Variants in SV2C observed in about 807,000 individuals in gnomAD.
SV2C encodes solute carrier family 22 member B3.
A neutral mutation model predicts 79.7 loss-of-function variants in SV2C; 49 were observed. That is an observed-to-expected ratio of 0.61 (90% CI 0.49 to 0.78). The LOEUF (loss-of-function observed/expected upper bound fraction) is 0.78, where lower values mean the gene tolerates loss of function less well. SV2C is among the 30% of genes least tolerant of loss of function. The pLI, the probability that SV2C is intolerant of heterozygous loss-of-function variation, is 0.00. For synonymous variants in SV2C, 334 were observed against 333.2 expected (o/e 1.00, Z -0.03); for missense variants, 833 against 912.9 (o/e 0.91, Z 1.13).
At chr5:76,089,148 A>G (rs1747291633) in intron 1 of SV2C, among the ~76,000 whole-genome samples, 1 of 152,118 alleles carries the variant, frequency 6.6e-6, no homozygotes, top group Non-Finnish European at 1.5e-5. Flanking sequence ...CCCAGAATGC[A>G]TTAGCTATTT....
chr5:76,253,708 GAAAAAAA>G (rs11390195), intron 4 of SV2C, among the ~76,000 whole-genome samples: 3 of 118,188 alleles, frequency 2.5e-5, no homozygotes, highest in South Asian at 2.9e-4. Flanking sequence ...CCTCCCTAAG[GAAAAAAA>G]AAAAAAAAAA....
At chr5:75,975,615 CTCT>C in the SV2C span, among the ~76,000 whole-genome samples, 1 of 152,168 alleles carries the variant, frequency 6.6e-6, no homozygotes, top group Non-Finnish European at 1.5e-5. Flanking sequence ...ATCCTGGAAC[CTCT>C]TCTTCTGGTT....
At chr5:75,923,954 G>A in the SV2C span, among the ~76,000 whole-genome samples, 26 of 152,098 alleles carry the variant, frequency 1.7e-4, no homozygotes, top group Non-Finnish European at 2.9e-4. Context: ...GTACACATGC[G>A]CATGCATGTT....
At position 76,329,986 on chromosome 5, in the gene SV2C, A is replaced by G. The variant is rs1749126786; in HGVS notation, c.*4439A>G. 1 of 150,938 alleles carries G rather than the reference A, an allele frequency of 6.6e-6. No individual in the cohort carries two copies. The allele number at this position is 150,938 out of a possible 1,614,324, so 9.3% of individuals were successfully genotyped here. ...CTTCTGAAACTCTGAAGTGGACTATATGTTTCTCACAGTTTTTGTTTATGC... is the reference window on the plus strand; with the variant it reads ...CTTCTGAAACTCTGAAGTGGACTATGTGTTTCTCACAGTTTTTGTTTATGC... On this transcript the variant is annotated 3_prime_UTR_variant, in exon 13 of 13. Transcript: ENST00000502798.
intron 4 of SV2C, among the ~76,000 whole-genome samples, chr5:76,225,819 A>G (rs1175074083): frequency 2.0e-5 from 3 of 152,202 alleles, no homozygotes; most frequent in Non-Finnish European, 4.4e-5. Context: ...ACAGCTAAAC[A>G]AACTGGGATT....
chr5:76,346,685 G>T (rs1385692625), intron 12 of SV2C, among the ~76,000 whole-genome samples: 1 of 152,162 alleles, frequency 6.6e-6, no homozygotes, highest in Non-Finnish European at 1.5e-5. Context: ...TATTCCCAGG[G>T]CCTTGGACTG....
chr5:76,233,005 A>G (rs1324562515), intron 4 of SV2C, among the ~76,000 whole-genome samples: 9 of 140,646 alleles, frequency 6.4e-5, no homozygotes, highest in Non-Finnish European at 1.2e-4. Flanking sequence ...TGGGGATGGC[A>G]TTGAATCTGT....
At chr5:76,310,699 G>A (rs1748407929) in intron 12 of SV2C, among the ~76,000 whole-genome samples, 1 of 152,132 alleles carries the variant, frequency 6.6e-6, no homozygotes, top group African/African-American at 2.4e-5. Context: ...AGAGAGACCT[G>A]GAATAGTTCA....
chr5:75,894,316 T>C, the SV2C span, among the ~76,000 whole-genome samples: 16,803 of 152,138 alleles, frequency 0.11, 984 homozygotes, highest in East Asian at 0.16. Flanking sequence ...ATTAAAAGTT[T>C]GCAGCAATCC....
At chr5:76,092,106 T>C (rs73764004) in intron 1 of SV2C, among the ~76,000 whole-genome samples, 4 of 152,178 alleles carry the variant, frequency 2.6e-5, no homozygotes, top group African/African-American at 9.6e-5. Context: ...TATAGTATGA[T>C]TCTACTAAAA....
intron 1 of SV2C, among the ~76,000 whole-genome samples, chr5:76,087,143 G>T (rs2112088639): frequency 6.6e-6 from 1 of 152,282 alleles, no homozygotes; most frequent in Non-Finnish European, 1.5e-5. Flanking sequence ...TGTTTTTGTA[G>T]ATAAGTGGTC....
the SV2C span, among the ~76,000 whole-genome samples, chr5:75,877,175 AAAC>A: frequency 6.6e-6 from 1 of 152,136 alleles, no homozygotes; most frequent in African/African-American, 2.4e-5. Context: ...TAGACTTTTA[AAAC>A]CAAAAATATT....
At chr5:75,955,279 A>G in the SV2C span, among the ~76,000 whole-genome samples, 14 of 149,270 alleles carry the variant, frequency 9.4e-5, no homozygotes, top group Non-Finnish European at 2.0e-4. Context: ...AACCTGAGAA[A>G]AACAAGCAAT....
At chr5:76,088,921 G>T (rs772413345) in intron 1 of SV2C, among the ~76,000 whole-genome samples, 1 of 152,056 alleles carries the variant, frequency 6.6e-6, no homozygotes, top group Non-Finnish European at 1.5e-5. Flanking sequence ...TTTGTCCTTC[G>T]TGTTTGAAAT....
chr5:75,897,599 G>T, the SV2C span, among the ~76,000 whole-genome samples: 1 of 152,278 alleles, frequency 6.6e-6, no homozygotes, highest in East Asian at 1.9e-4. Context: ...TTCCAATTCT[G>T]TGAAGAAAGT....
At chr5:76,061,268 T>TAAAAAA in the SV2C span, among the ~76,000 whole-genome samples, 128 of 51,592 alleles carry the variant, frequency 2.5e-3, 2 homozygotes, top group African/African-American at 0.011. Flanking sequence ...CTTCAATTTG[T>TAAAAAA]AAAAAAAAAA....
At chr5:75,926,330 T>C in the SV2C span, among the ~76,000 whole-genome samples, 1 of 152,184 alleles carries the variant, frequency 6.6e-6, no homozygotes, top group Non-Finnish European at 1.5e-5. Flanking sequence ...AATTATCAAA[T>C]ATAATAAAAC....
chr5:76,146,199 T>C (rs1268550996), intron 2 of SV2C, among the ~76,000 whole-genome samples: 1 of 152,088 alleles, frequency 6.6e-6, no homozygotes, highest in Non-Finnish European at 1.5e-5. Context: ...GCCATGTAGG[T>C]GTTACAGGAA....
chr5:75,997,904 T>A, the SV2C span, among the ~76,000 whole-genome samples: 1 of 151,580 alleles, frequency 6.6e-6, no homozygotes, highest in Admixed American at 6.6e-5. Flanking sequence ...ATGTTTATTG[T>A]GGCACTATTC....
Sources: gnomAD v4.1 joint callset for allele counts (sites outside exome capture counted in the v4.1 genomes callset) on GRCh38, gnomAD v4.1.1 for gene constraint, MANE v1.5 for transcripts, NCBI Gene and HGNC (gene_info 2026-07-23, HGNC 2026-07-21) for gene names.